RDH11: variants seen among roughly 807,000 people sequenced by gnomAD.
The protein encoded by RDH11 is retinol dehydrogenase 11, also known as HCV core-binding protein HCBP12.
RDH11 carries 19 observed loss-of-function variants against 33.4 expected under a neutral mutation model. The ratio of observed to expected loss-of-function variants is 0.57; its 90% CI spans 0.40 to 0.83. RDH11 has a LOEUF of 0.83. Among genes scored for constraint, RDH11 ranks in the 40% least tolerant of loss-of-function variants. RDH11 has a pLI of 0.00. For missense variants in RDH11, 353 were observed against 389.0 expected (o/e 0.91, Z 0.78); for synonymous variants, 154 against 155.3 (o/e 0.99, Z 0.06).
chr14:67,679,409 T>G (rs960404110), intron 6 of RDH11, among the ~76,000 whole-genome samples: 4 of 151,844 alleles, frequency 2.6e-5, no homozygotes, highest in South Asian at 2.1e-4. Flanking sequence ...TCCAAGTTTT[T>G]TTTTTTTTTT....
intron 6 of RDH11, among the ~76,000 whole-genome samples, chr14:67,681,231 GAAGGCAGGCCTCAC>G (rs1233063917): frequency 6.6e-6 from 1 of 152,226 alleles, no homozygotes; most frequent in Non-Finnish European, 1.5e-5. Flanking sequence ...TGGAAGTCAG[GAAGGCAGGCCTCAC>G]CAGAGACCAA....
chr14:67,686,979 G>A (rs1190164043), intron 5 of RDH11, among the ~76,000 whole-genome samples: 7 of 152,142 alleles, frequency 4.6e-5, no homozygotes, highest in Non-Finnish European at 5.9e-5. Context: ...TAGTAATGCA[G>A]ACTCAGAGGT....
chr14:67,678,882 T>C (rs77554057), intron 6 of RDH11, among the ~76,000 whole-genome samples: 14,206 of 151,864 alleles, frequency 0.094, 685 homozygotes, highest in Middle Eastern at 0.2. Flanking sequence ...CTTGAAGTTA[T>C]ACTGTTAGTA....
intron 4 of RDH11, 161 bp downstream of exon 4, chr14:67,690,979 A>G: frequency 4.7e-6 from 3 of 638,880 alleles, no homozygotes; most frequent in Non-Finnish European, 8.4e-6. Flanking sequence ...AGCAGCCCTC[A>G]GGTATTCCTC....
Position 67,678,209 on chromosome 14 carries a change from G to T in RDH11, c.*112C>A. 1.4e-6 allele frequency: 1 copy of T among 718,812 alleles called. No individual in the cohort carries two copies. The highest frequency in any genetic ancestry group is 2.5e-6 in the Non-Finnish European group (1 of 408,142). The allele number at this position is 718,812 out of a possible 1,614,324, so 44.5% of individuals were successfully genotyped here. On this transcript the variant is annotated 3_prime_UTR_variant, in exon 7 of 7. Transcript: ENST00000381346. ...GACACCAAGCAGGCAAGGCTGGAAG[G>T]TTTTGCTCTCTTTGTGCTAAAGGTT...
intron 5 of RDH11, among the ~76,000 whole-genome samples, chr14:67,689,206 G>A (rs1351700076): frequency 6.6e-6 from 1 of 152,198 alleles, no homozygotes; most frequent in Non-Finnish European, 1.5e-5. Context: ...CATAAGGACT[G>A]AGCTAACCAC....
chr14:67,689,351 T>C (rs930774619), intron 5 of RDH11, among the ~76,000 whole-genome samples: 1 of 152,328 alleles, frequency 6.6e-6, no homozygotes, highest in South Asian at 2.1e-4. Context: ...CGATTTCCCT[T>C]CTCTTTATTA....
intron 3 of RDH11, 89 bp from the exon 4 acceptor site, chr14:67,691,333 AG>A: frequency 1.2e-6 from 1 of 800,864 alleles, no homozygotes; most frequent in Non-Finnish European, 2.1e-6. Context: ...TTTGAAAATG[AG>A]GATGCAGGAC....
rs1038435873 is a variant in RDH11 at position 67,692,370 on chromosome 14, T to C, written c.349+68A>G. The C allele has an allele frequency of 1.9e-6, 3 of 1,551,756 alleles. No individual in the cohort carries two copies. The African/African-American group carries it at 4.1e-5, about 21-fold the overall frequency. ...ACTTCTATGAGGAAGAGGGACCTTTTCCTTTTAGTTGAATCTGCCATGTTG... is the reference window on the plus strand; with the variant it reads ...ACTTCTATGAGGAAGAGGGACCTTTCCCTTTTAGTTGAATCTGCCATGTTG... On this transcript the variant is annotated intron_variant, in intron 3 of 6. Transcript: ENST00000381346.
At chr14:67,680,745 C>T (rs756961251) in intron 6 of RDH11, among the ~76,000 whole-genome samples, 41 of 152,324 alleles carry the variant, frequency 2.7e-4, no homozygotes, top group Non-Finnish European at 4.9e-4. Context: ...AGGCGTGAGC[C>T]GCCGCGCCCA....
chr14:67,680,935 C>T lies in RDH11; in HGVS notation c.855-2512G>A, dbSNP rs1476839294. ...GCATAAGGACAGACATACAAATGAA[C>T]GGAACAGAAAAGTGAAACATAAACC... is the stretch of plus-strand genomic sequence containing the variant. On this transcript the variant is annotated intron_variant, in intron 6 of 6. Transcript: ENST00000381346. Among the ~76,000 whole-genome samples, 5 of 152,148 alleles carry T rather than the reference C, an allele frequency of 3.3e-5. No individual in the cohort carries two copies. The South Asian group carries it at 6.2e-4, about 19-fold the overall frequency.
rs773341114 is a variant in RDH11 at position 67,690,257 on chromosome 14, G to T, written c.619C>A (p.Leu207Ile). The T allele has an allele frequency of 6.2e-7, 1 of 1,614,020 alleles. No individual in the cohort carries two copies. Among genetic ancestry groups the T allele is most frequent in the South Asian group, 1.1e-5 (1 of 91,070 alleles). The stretch of plus-strand genomic sequence containing the variant: ...TCCTGGGTGAAGAGGATGTTGGCTA[G>T]CTTGCTGTGACAGTAGGCCAGGCCT... Reference protein sequence around the residue: ...NAGLAYCHSKLANILFTQELA... With the variant: ...NAGLAYCHSKIANILFTQELA... The change falls in exon 5 of 7, where the codon CTA (leucine) becomes ATA (isoleucine). Residue 207 changes from leucine to isoleucine, a missense_variant. Transcript: ENST00000381346.
intron 6 of RDH11, among the ~76,000 whole-genome samples, chr14:67,682,077 G>T (rs770981641): frequency 2.9e-4 from 44 of 152,092 alleles, no homozygotes; most frequent in Non-Finnish European, 5.0e-4. Flanking sequence ...CAGGCACCAT[G>T]TTCTTAGACT....
chr14:67,692,212 A>G (rs2037758854), intron 3 of RDH11: 3 of 488,546 alleles, frequency 6.1e-6, no homozygotes, highest in Non-Finnish European at 1.1e-5. Flanking sequence ...TTCTGGCTTC[A>G]GCTCTTACTC....
chr14:67,688,596 C>G (rs1273804433), intron 5 of RDH11, among the ~76,000 whole-genome samples: 2 of 140,108 alleles, frequency 1.4e-5, no homozygotes, highest in Non-Finnish European at 3.2e-5. Flanking sequence ...ATGCTTTGAA[C>G]TCTTTTTTTT....
chr14:67,691,291 T>G (rs777487293), intron 3 of RDH11, 47 bp from the exon 4 acceptor site: 1 of 1,363,352 alleles, frequency 7.3e-7, no homozygotes, highest in Non-Finnish European at 1.0e-6. Flanking sequence ...GCCAAGGCTA[T>G]TACATCTTAG....
intron 1 of RDH11, among the ~76,000 whole-genome samples, chr14:67,694,556 A>G (rs374678766): frequency 2.0e-5 from 3 of 150,862 alleles, no homozygotes; most frequent in East Asian, 3.9e-4. Context: ...GGGTATGAGC[A>G]CTATTTTCAG....
chr14:67,678,881 A>C (rs2037576841), intron 6 of RDH11, among the ~76,000 whole-genome samples: 1 of 152,180 alleles, frequency 6.6e-6, no homozygotes, highest in Admixed American at 6.5e-5. Flanking sequence ...CCTTGAAGTT[A>C]TACTGTTAGT....
At chr14:67,683,576 G>T (rs2037640832) in intron 6 of RDH11, among the ~76,000 whole-genome samples, 1 of 152,188 alleles carries the variant, frequency 6.6e-6, no homozygotes, top group Admixed American at 6.5e-5. Context: ...AGTTTGAAGA[G>T]AGCATTAATA....
Sources: gnomAD v4.1 joint callset for allele counts (sites outside exome capture counted in the v4.1 genomes callset) on GRCh38, gnomAD v4.1.1 for gene constraint, MANE v1.5 for transcripts, NCBI Gene and HGNC (gene_info 2026-07-23, HGNC 2026-07-21) for gene names.